The following PRKACB variants were observed in gnomAD, a reference collection of about 807,000 sequenced individuals.
The protein encoded by PRKACB is protein kinase cAMP-activated catalytic subunit beta, also known as cAMP-dependent protein kinase catalytic subunit beta.
In PRKACB, 16 loss-of-function variants were observed where a neutral mutation model predicts 51.4. The ratio of observed to expected loss-of-function variants is 0.31; its 90% CI spans 0.21 to 0.47. The LOEUF is 0.47. Ranked by LOEUF, PRKACB falls within the 20% of genes least tolerant of loss-of-function variation. The pLI is 1.00. For missense variants in PRKACB, 309 were observed against 464.5 expected, an observed-to-expected ratio of 0.67 and a Z score of 3.08; for synonymous variants, 147 against 154.4, an observed-to-expected ratio of 0.95 and a Z score of 0.35.
At chr1:84,144,069 A>G (rs936312581), upstream of PRKACB, among the ~76,000 whole-genome samples, 1 of 152,194 alleles carries the variant, frequency 6.6e-6, no homozygotes, top group African/African-American at 2.4e-5. Context: ...AAAGCTTTAT[A>G]TTTAATGCTC....
At chr1:84,103,210 A>C (rs1007521418) in intron 1 of PRKACB, among the ~76,000 whole-genome samples, 34 of 152,162 alleles carry the variant, frequency 2.2e-4, no homozygotes, top group African/African-American at 7.5e-4. Context: ...TTTCATCTAG[A>C]AGCATAGCAT....
intron 1 of PRKACB, among the ~76,000 whole-genome samples, chr1:84,103,725 T>G (rs1649523585): frequency 6.6e-6 from 1 of 152,204 alleles, no homozygotes; most frequent in African/African-American, 2.4e-5. Context: ...GGTGATTGTT[T>G]GAAAACTAAG....
At position 84,082,058 on chromosome 1, in the gene PRKACB, G is replaced by A. The variant is rs11803711; in HGVS notation, c.46+3687G>A. 3.8e-3 allele frequency among the ~76,000 whole-genome samples: 577 copies of A among 152,318 alleles called. 3 individuals are homozygous for A. Among genetic ancestry groups the A allele is most frequent in the African/African-American group, 0.013 (543 of 41,572 alleles). On this transcript the variant is annotated intron_variant, in intron 1 of 8. Transcript: ENST00000370688. The stretch of plus-strand genomic sequence containing the variant: ...TGCCAGGTTCTCTAATGCTTTCCGT[G>A]TATAAACTTTTACTTACTCTTTTAA...
In PRKACB at chr1:84,204,718, T is replaced by G. The variant is rs567477783; in HGVS notation, c.906+1913T>G. Reference sequence around the variant, plus strand: ...CAAATCATTTAATTGACAGTAATTATAAAGTTCTTGAATCTTTACTATATT... The same window carrying G: ...CAAATCATTTAATTGACAGTAATTAGAAAGTTCTTGAATCTTTACTATATT... On this transcript the variant is annotated intron_variant, in intron 8 of 9. Transcript: ENST00000370685. 9 of 958,118 alleles carry G rather than the reference T, an allele frequency of 9.4e-6. No homozygotes were observed. The African/African-American group carries it at 1.5e-4, about 16-fold the overall frequency. The allele number at this position is 958,118 out of a possible 1,614,324, so 59.4% of individuals were successfully genotyped here.
At chr1:84,186,404 A>G (rs1665122887) in intron 5 of PRKACB, among the ~76,000 whole-genome samples, 2 of 151,860 alleles carry the variant, frequency 1.3e-5, no homozygotes, top group Non-Finnish European at 2.9e-5. Context: ...TTTTTGGTAG[A>G]CACAGGTTTT....
intron 1 of PRKACB, among the ~76,000 whole-genome samples, chr1:84,173,717 C>G (rs1660298786): frequency 6.6e-6 from 1 of 151,610 alleles, no homozygotes; most frequent in Admixed American, 6.6e-5. Flanking sequence ...CTAAATAATT[C>G]TTAAATAGAA....
upstream of PRKACB, among the ~76,000 whole-genome samples, chr1:84,143,715 C>CAGTAT (rs1394645800): frequency 4.6e-5 from 7 of 152,266 alleles, no homozygotes; most frequent in African/African-American, 1.7e-4. Flanking sequence ...GCAATACTGA[C>CAGTAT]ATACTAAGTG....
intron 1 of PRKACB, among the ~76,000 whole-genome samples, chr1:84,162,791 C>T (rs899966602): frequency 6.6e-6 from 1 of 151,936 alleles, no homozygotes; most frequent in Non-Finnish European, 1.5e-5. Context: ...AATTCTACAC[C>T]TGGGCCCATT....
chr1:84,170,521 G>A (rs540910415), intron 1 of PRKACB, among the ~76,000 whole-genome samples: 5 of 151,618 alleles, frequency 3.3e-5, no homozygotes, highest in Admixed American at 1.3e-4. Flanking sequence ...ATTATCAGAA[G>A]AGTTGTAGGC....
Position 84,196,756 on chromosome 1 carries a change from A to C in PRKACB, c.687+14A>C. ...GGCTATATCCAGGTATGACTTTAAC[A>C]CATTATGTGTACTGTATATGAGAAA... On this transcript the variant is annotated intron_variant, in intron 6 of 9. Transcript: ENST00000370685. 9.3e-6 allele frequency: 15 copies of C among 1,609,478 alleles called. No homozygotes were observed. Among genetic ancestry groups the C allele is most frequent in the Non-Finnish European group, 1.3e-5 (15 of 1,176,526 alleles).
At chr1:84,195,912 CA>C (rs34855463) in intron 5 of PRKACB, among the ~76,000 whole-genome samples, 123,737 of 135,146 alleles carry the variant, frequency 0.92, 56,850 homozygotes, top group East Asian at 0.98. Context: ...GACTGTGTCT[CA>C]AAAAAAAAAA....
chr1:84,201,231 A>G (rs1352740197), intron 7 of PRKACB, among the ~76,000 whole-genome samples: 2 of 152,072 alleles, frequency 1.3e-5, no homozygotes, highest in Non-Finnish European at 2.9e-5. Context: ...CATTTTTAAA[A>G]TATTTACTGA....
chr1:84,122,692 A>G (rs1651182433), intron 1 of PRKACB, among the ~76,000 whole-genome samples: 2 of 152,194 alleles, frequency 1.3e-5, no homozygotes, highest in Admixed American at 1.3e-4. Flanking sequence ...AGTGAATTAA[A>G]AGGACGTTTT....
chr1:84,085,274 G>A (rs868088322), intron 1 of PRKACB, among the ~76,000 whole-genome samples: 37 of 152,116 alleles, frequency 2.4e-4, no homozygotes, highest in African/African-American at 8.4e-4. Context: ...TTATTCCCCT[G>A]GAGTCCTTTA....
At chr1:84,234,603 A>T (rs1252223888) in intron 9 of PRKACB, among the ~76,000 whole-genome samples, 15 of 152,160 alleles carry the variant, frequency 9.9e-5, no homozygotes, top group Admixed American at 9.8e-4. Context: ...CAGGTGCAGG[A>T]TATAATCTCC....
At chr1:84,204,152 A>G (rs566411193) in intron 8 of PRKACB, among the ~76,000 whole-genome samples, 7 of 151,728 alleles carry the variant, frequency 4.6e-5, no homozygotes, top group Non-Finnish European at 1.0e-4. Flanking sequence ...TCCCTATCTC[A>G]TAGTACATAT....
At position 84,237,920 on chromosome 1, in the gene PRKACB, T is replaced by G. The variant is rs1193592821; in HGVS notation, c.*2615T>G. ...GAACTGGATTAGGCAGTTTGTAAGATTCCTCCTAACTTTCACAGTCGATGA... is the reference window on the plus strand; with the variant it reads ...GAACTGGATTAGGCAGTTTGTAAGAGTCCTCCTAACTTTCACAGTCGATGA... On this transcript the variant is annotated 3_prime_UTR_variant, in exon 10 of 10. Transcript: ENST00000370685. 1 of 152,164 alleles carries G rather than the reference T, an allele frequency of 6.6e-6. No homozygotes were observed. The highest frequency in any genetic ancestry group is 1.5e-5 in the Non-Finnish European group (1 of 67,980). The allele number at this position is 152,164 out of a possible 1,614,324, so 9.4% of individuals were successfully genotyped here. A position where few individuals can be genotyped will look rare whatever the true frequency, so the allele number is the denominator to read the frequency against.
At chr1:84,177,939 A>G (rs1251880713) in intron 1 of PRKACB, among the ~76,000 whole-genome samples, 1 of 152,054 alleles carries the variant, frequency 6.6e-6, no homozygotes, top group Non-Finnish European at 1.5e-5. Context: ...AGGCATTCTG[A>G]GAGTATTTTA....
At chr1:84,173,341 C>A in intron 1 of PRKACB, 1 of 1,575,188 alleles carries the variant, frequency 6.3e-7, no homozygotes, top group South Asian at 1.2e-5. Context: ...CGCAAATCAT[C>A]AGATGCATCT....
Sources: gnomAD v4.1 joint callset for allele counts (sites outside exome capture counted in the v4.1 genomes callset) on GRCh38, gnomAD v4.1.1 for gene constraint, MANE v1.5 for transcripts, NCBI Gene and HGNC (gene_info 2026-07-23, HGNC 2026-07-21) for gene names.